Variants in UBE3C observed in about 807,000 individuals in gnomAD.
The protein encoded by UBE3C is ubiquitin protein ligase E3C.
A neutral mutation model predicts 129.4 loss-of-function variants in UBE3C; 42 were observed. The ratio of observed to expected loss-of-function variants is 0.32; its 90% CI spans 0.25 to 0.42. The LOEUF (loss-of-function observed/expected upper bound fraction) is 0.42. UBE3C is among the 10% of genes least tolerant of loss of function. UBE3C has a pLI of 1.00. For missense variants in UBE3C, 1,049 were observed against 1,319.1 expected, an observed-to-expected ratio of 0.80 and a Z score of 3.17; for synonymous variants, 510 against 492.4, an observed-to-expected ratio of 1.04 and a Z score of -0.47.
chr7:157,174,956 T>C lies in UBE3C; in HGVS notation c.380T>C (p.Leu127Pro), dbSNP rs1404350357. 1 of 1,613,100 alleles carries C rather than the reference T, an allele frequency of 6.2e-7. No homozygotes were observed. The highest frequency in any genetic ancestry group is 1.3e-5 in the African/African-American group (1 of 75,026). The stretch of plus-strand genomic sequence containing the variant: ...CAGAACTTAATTAAACACAGCTCTC[T>C]GTTTGTCAAGCAGTTGGATGGATCT... ...LYQNLIKHSSLFVKQLDGSER... is the reference protein window; with the variant it reads ...LYQNLIKHSSPFVKQLDGSER... Residue 127 changes from leucine to proline, a missense_variant, in exon 5 of 23, where the codon CTG (leucine) becomes CCG (proline). Coordinates refer to ENST00000348165, the MANE Select transcript of UBE3C (RefSeq NM_014671.3).
intron 2 of UBE3C, among the ~76,000 whole-genome samples, chr7:157,164,758 G>A (rs1392715051): frequency 6.6e-6 from 1 of 151,998 alleles, no homozygotes; most frequent in Non-Finnish European, 1.5e-5. Context: ...CTGCTTGCTG[G>A]GTATACAGAT....
chr7:157,216,300 G>A (rs1795567193), intron 13 of UBE3C, among the ~76,000 whole-genome samples: 1 of 151,714 alleles, frequency 6.6e-6, no homozygotes, highest in Non-Finnish European at 1.5e-5. Context: ...GCACCACTTA[G>A]AGGTATCTTT....
chr7:157,168,641 T>C (rs374527003), intron 2 of UBE3C, among the ~76,000 whole-genome samples: 20 of 152,224 alleles, frequency 1.3e-4, no homozygotes, highest in African/African-American at 3.9e-4. Context: ...TTCTCACATA[T>C]GCTGTAACAT....
intron 13 of UBE3C, among the ~76,000 whole-genome samples, chr7:157,215,559 A>G (rs542891783): frequency 6.7e-6 from 1 of 148,632 alleles, no homozygotes; most frequent in East Asian, 1.9e-4. Flanking sequence ...TATATAATAG[A>G]TATATATTAG....
At chr7:157,179,598 C>T (rs1368771766) in intron 6 of UBE3C, among the ~76,000 whole-genome samples, 1 of 152,184 alleles carries the variant, frequency 6.6e-6, no homozygotes, top group Non-Finnish European at 1.5e-5. Context: ...CCAAGCACTT[C>T]AGGACTCCTG....
chr7:157,238,271 T>C (rs956256237), intron 18 of UBE3C, among the ~76,000 whole-genome samples: 2 of 152,232 alleles, frequency 1.3e-5, no homozygotes, highest in African/African-American at 4.8e-5. Context: ...TGGGGACTCC[T>C]GGCGTCACCA....
rs182385461 is a variant in UBE3C at position 157,229,958 on chromosome 7, G to A, written c.2234-1122G>A. 2.7e-3 allele frequency among the ~76,000 whole-genome samples: 412 copies of A among 151,714 alleles called. 2 individuals are homozygous for A. The highest frequency in any genetic ancestry group is 9.4e-3 in the African/African-American group (387 of 41,382). ...TTTTTTGAGACTGTCACGCAGGTTG[G>A]GATGCAGTGGCACGATCTTGGCTTA... On this transcript the variant is annotated intron_variant, in intron 17 of 22. Coordinates refer to ENST00000348165, the MANE Select transcript of UBE3C (RefSeq NM_014671.3).
chr7:157,226,019 C>T (rs1328628638), intron 17 of UBE3C, among the ~76,000 whole-genome samples: 1 of 152,206 alleles, frequency 6.6e-6, no homozygotes, highest in East Asian at 1.9e-4. Flanking sequence ...TTGACAGTTA[C>T]TACAACAGAA....
chr7:157,213,973 T>C (rs1809665417), intron 13 of UBE3C, among the ~76,000 whole-genome samples: 2 of 152,220 alleles, frequency 1.3e-5, no homozygotes, highest in African/African-American at 4.8e-5. Flanking sequence ...TATAAATAAA[T>C]ATAAACATAT....
chr7:157,169,266 T>C, intron 3 of UBE3C, 144 bp downstream of exon 3: 1 of 587,354 alleles, frequency 1.7e-6, no homozygotes, highest in South Asian at 3.3e-5. Context: ...CTAATTATTG[T>C]GAAGATTTAT....
At chr7:157,224,229 C>G (rs906844743) in intron 16 of UBE3C, among the ~76,000 whole-genome samples, 6 of 152,002 alleles carry the variant, frequency 3.9e-5, no homozygotes, top group African/African-American at 1.2e-4. Flanking sequence ...GGAGTGTCCT[C>G]TGTCGCCCAG....
intron 13 of UBE3C, among the ~76,000 whole-genome samples, chr7:157,214,235 A>T (rs1040712058): frequency 5.3e-5 from 8 of 152,238 alleles, no homozygotes; most frequent in East Asian, 1.9e-4. Flanking sequence ...CTATATTGAA[A>T]TTTTTTTAAC....
chr7:157,176,007 CA>C (rs1410229802), intron 5 of UBE3C, among the ~76,000 whole-genome samples: 1 of 152,096 alleles, frequency 6.6e-6, no homozygotes, highest in Non-Finnish European at 1.5e-5. Flanking sequence ...AACAGCCGTA[CA>C]AAAAACAGCC....
intron 22 of UBE3C, among the ~76,000 whole-genome samples, chr7:157,259,394 G>A (rs973708515): frequency 2.6e-5 from 4 of 152,172 alleles, no homozygotes; most frequent in African/African-American, 4.8e-5. Flanking sequence ...ATGTGATGTC[G>A]CAGCCCCACC....
intron 13 of UBE3C, among the ~76,000 whole-genome samples, chr7:157,210,538 G>C (rs1809562561): frequency 6.6e-6 from 1 of 152,142 alleles, no homozygotes; most frequent in Non-Finnish European, 1.5e-5. Flanking sequence ...ATAGTTCTGT[G>C]AGAAAGATAC....
chr7:157,180,368 CT>C (rs1375021039), intron 6 of UBE3C, among the ~76,000 whole-genome samples: 3 of 152,094 alleles, frequency 2.0e-5, no homozygotes, highest in African/African-American at 7.2e-5. Context: ...GTATTTTTAT[CT>C]TTTTAGTTTC....
chr7:157,194,748 A>G (rs1809069980), intron 10 of UBE3C, among the ~76,000 whole-genome samples: 1 of 152,214 alleles, frequency 6.6e-6, no homozygotes, highest in African/African-American at 2.4e-5. Flanking sequence ...ACTGGAGGAA[A>G]AGGGGTCCTT....
chr7:157,167,189 C>T (rs1808240993), intron 2 of UBE3C, among the ~76,000 whole-genome samples: 1 of 152,176 alleles, frequency 6.6e-6, no homozygotes, highest in Admixed American at 6.5e-5. Flanking sequence ...CCTCAGCCTC[C>T]CACAGTGCTG....
chr7:157,181,756 T>A (rs1808672730), intron 7 of UBE3C, 85 bp downstream of exon 7: 2 of 1,506,500 alleles, frequency 1.3e-6, no homozygotes, highest in African/African-American at 1.4e-5. Context: ...TGATTTTAAA[T>A]ATAGACTTGA....
Sources: allele counts gnomAD v4.1 joint callset (sites outside exome capture counted in the v4.1 genomes callset), GRCh38; gene constraint gnomAD v4.1.1; transcripts MANE v1.5; gene names NCBI Gene and HGNC (gene_info 2026-07-23, HGNC 2026-07-21).